The following FHIT variants were observed in gnomAD, a reference collection of about 807,000 sequenced individuals.
FHIT encodes the protein fragile histidine triad diadenosine triphosphatase, also known as bis(5'-adenosyl)-triphosphatase.
Under a neutral mutation model 17.9 loss-of-function variants are expected in FHIT, and 19 were observed. That is an observed-to-expected ratio of 1.06 (90% CI 0.74 to 1.56). The LOEUF (loss-of-function observed/expected upper bound fraction) is 1.56. Ranked by LOEUF, FHIT falls within the 40% of genes most tolerant of loss-of-function variation. The pLI, the probability that FHIT is intolerant of heterozygous loss-of-function variation, is 0.00. For synonymous variants in FHIT, 81 were observed against 69.7 expected, an observed-to-expected ratio of 1.16 and a Z score of -0.81; for missense variants, 248 against 189.2, an observed-to-expected ratio of 1.31 and a Z score of -1.82.
chr3:60,924,142 G>C (rs957847184), intron 3 of FHIT, among the ~76,000 whole-genome samples: 3 of 152,324 alleles, frequency 2.0e-5, no homozygotes, highest in African/African-American at 7.2e-5. Flanking sequence ...GCAGGGCATA[G>C]ACAAACAAAA....
At chr3:60,529,747 A>C (rs1421201299) in intron 5 of FHIT, among the ~76,000 whole-genome samples, 2 of 152,184 alleles carry the variant, frequency 1.3e-5, no homozygotes, top group African/African-American at 2.4e-5. Flanking sequence ...AATAAATAGA[A>C]ATGGTGAACA....
intron 5 of FHIT, among the ~76,000 whole-genome samples, chr3:60,400,713 T>C (rs1701626600): frequency 6.6e-6 from 1 of 152,014 alleles, no homozygotes; most frequent in African/African-American, 2.4e-5. Flanking sequence ...GTAAGCAGGA[T>C]CACACCATTT....
chr3:60,186,991 C>T (rs779645801), intron 5 of FHIT, among the ~76,000 whole-genome samples: 4 of 151,924 alleles, frequency 2.6e-5, no homozygotes, highest in Admixed American at 1.3e-4. Flanking sequence ...AGTTCATGCC[C>T]GTAGAGTGTT....
At chr3:60,395,691 A>G (rs879705200) in intron 5 of FHIT, among the ~76,000 whole-genome samples, 2 of 152,186 alleles carry the variant, frequency 1.3e-5, no homozygotes, top group South Asian at 2.1e-4. Context: ...TGATCAGTCA[A>G]ATACTAGACA....
At chr3:60,114,844 G>A (rs561953733) in intron 5 of FHIT, among the ~76,000 whole-genome samples, 138 of 152,160 alleles carry the variant, frequency 9.1e-4, no homozygotes, top group African/African-American at 3.2e-3. Context: ...TGTTGGAAGT[G>A]TACTGATTCA....
chr3:60,635,715 C>T (rs2039566922), intron 4 of FHIT, among the ~76,000 whole-genome samples: 1 of 151,912 alleles, frequency 6.6e-6, no homozygotes, highest in Admixed American at 6.6e-5. Context: ...AGTAAGTGGC[C>T]GAGTCAGAAT....
intron 8 of FHIT, among the ~76,000 whole-genome samples, chr3:59,842,016 T>TC (rs1701552590): frequency 6.6e-6 from 1 of 152,156 alleles, no homozygotes; most frequent in Non-Finnish European, 1.5e-5. Context: ...GAACTCTTTT[T>TC]CGTCTTGTAA....
chr3:61,220,996 G>A (rs2039820817), intron 1 of FHIT, among the ~76,000 whole-genome samples: 1 of 152,194 alleles, frequency 6.6e-6, no homozygotes, highest in Non-Finnish European at 1.5e-5. Context: ...AGAAGCTCTG[G>A]AAAATCATTA....
intron 8 of FHIT, among the ~76,000 whole-genome samples, chr3:59,915,800 T>C (rs1292158499): frequency 1.3e-5 from 2 of 152,026 alleles, no homozygotes; most frequent in Non-Finnish European, 1.5e-5. Flanking sequence ...GGTGTGGTGG[T>C]ATGTGCCTGT....
At chr3:60,140,677 C>T (rs113358385) in intron 5 of FHIT, among the ~76,000 whole-genome samples, 7,404 of 150,960 alleles carry the variant, frequency 0.049, 260 homozygotes, top group Non-Finnish European at 0.07. Context: ...CTCCCAGGTT[C>T]AAGCAATTCT....
intron 4 of FHIT, among the ~76,000 whole-genome samples, chr3:60,624,771 A>G (rs781855953): frequency 6.6e-6 from 1 of 152,154 alleles, no homozygotes; most frequent in Non-Finnish European, 1.5e-5. Context: ...AATGTTTATA[A>G]GGTTCATCCA....
At chr3:60,117,700 C>T (rs1344687474) in intron 5 of FHIT, among the ~76,000 whole-genome samples, 9 of 152,052 alleles carry the variant, frequency 5.9e-5, no homozygotes, top group African/African-American at 9.7e-5. Context: ...GATGAACAGA[C>T]GCGCAGAGAA....
chr3:60,882,133 CA>C (rs1705009913), intron 3 of FHIT, among the ~76,000 whole-genome samples: 1 of 151,848 alleles, frequency 6.6e-6, no homozygotes, highest in African/African-American at 2.4e-5. Context: ...ATTGGAAAAC[CA>C]AACAGAAACA....
chr3:60,928,548 C>CTAAA (rs59452376), intron 3 of FHIT, among the ~76,000 whole-genome samples: 4 of 140,490 alleles, frequency 2.8e-5, no homozygotes, highest in African/African-American at 8.0e-5. Context: ...GACTCTGTCT[C>CTAAA]TAAATAAATA....
At chr3:60,529,697 A>T (rs1398168137) in intron 5 of FHIT, among the ~76,000 whole-genome samples, 1 of 152,228 alleles carries the variant, frequency 6.6e-6, no homozygotes, top group Non-Finnish European at 1.5e-5. Context: ...GTGATTGTTA[A>T]CCATGACAGT....
At chr3:60,376,252 T>G (rs941296478) in intron 5 of FHIT, among the ~76,000 whole-genome samples, 2 of 152,210 alleles carry the variant, frequency 1.3e-5, no homozygotes, top group Non-Finnish European at 2.9e-5. Flanking sequence ...TGACACATAG[T>G]GTCTATTCAA....
intron 5 of FHIT, among the ~76,000 whole-genome samples, chr3:60,102,803 G>C (rs531055776): frequency 6.6e-6 from 1 of 151,988 alleles, no homozygotes; most frequent in African/African-American, 2.4e-5. Flanking sequence ...AGAATGTGCA[G>C]GATAATTTTC....
intron 5 of FHIT, among the ~76,000 whole-genome samples, chr3:60,439,673 T>C (rs2030617287): frequency 6.6e-6 from 1 of 151,942 alleles, no homozygotes; most frequent in Non-Finnish European, 1.5e-5. Context: ...AACACTCACT[T>C]CTCTCTGGGC....
chr3:60,541,919 G>T (rs556348935), intron 4 of FHIT, among the ~76,000 whole-genome samples: 2 of 152,246 alleles, frequency 1.3e-5, no homozygotes, highest in East Asian at 3.9e-4. Flanking sequence ...GCCCATGAAA[G>T]GCTCTTCTTT....
Sources: allele counts gnomAD v4.1 joint callset (sites outside exome capture counted in the v4.1 genomes callset), GRCh38; gene constraint gnomAD v4.1.1; transcripts MANE v1.5; gene names NCBI Gene and HGNC (gene_info 2026-07-23, HGNC 2026-07-21).